Variants in COL4A5 observed in about 807,000 individuals in gnomAD.
The protein encoded by COL4A5 is collagen type IV alpha 5 chain, also known as collagen alpha-5(IV) chain.
Under a neutral mutation model 130.2 loss-of-function variants are expected in COL4A5, and 26 were observed. That is an observed-to-expected ratio of 0.20 (90% CI 0.15 to 0.28). COL4A5 has a LOEUF of 0.28. Ranked by LOEUF, COL4A5 falls within the 10% of genes least tolerant of loss-of-function variation. The pLI is 1.00. For synonymous variants in COL4A5, 496 were observed against 439.6 expected, an observed-to-expected ratio of 1.13 and a Z score of -1.60; for missense variants, 1,131 against 1,344.3, an observed-to-expected ratio of 0.84 and a Z score of 2.48.
At chrX:108,509,452 A>T (rs1209166131) in intron 1 of COL4A5, among the ~76,000 whole-genome samples, 1 of 112,340 alleles carries the variant, frequency 8.9e-6, no homozygotes, top group Non-Finnish European at 1.9e-5. Context: ...TTAAAAAACA[A>T]ATTTACAAGA....
chrX:108,552,288 T>C (rs971968030), intron 2 of COL4A5, among the ~76,000 whole-genome samples: 12 of 112,426 alleles, frequency 1.1e-4, no homozygotes, highest in African/African-American at 3.5e-4. Context: ...GCATAATTCC[T>C]TTGAGAAGCA....
Position 108,668,406 on chromosome X carries a change from C to G in COL4A5, c.3692C>G (p.Pro1231Arg), listed in dbSNP as rs1044043486. Residue 1231 changes from proline to arginine, a missense_variant, in exon 41 of 53, where the codon CCT (proline) becomes CGT (arginine). Physicochemically the swap from Pro to Arg is moderately radical, Grantham distance 103. Transcript: ENST00000328300. Reference sequence around the variant, plus strand: ...GGCGAACCAGGCTTTCACGGTTTCCCTGGTGTGCAGGGTCCCCCAGGCCCT... The same window carrying G: ...GGCGAACCAGGCTTTCACGGTTTCCGTGGTGTGCAGGGTCCCCCAGGCCCT... ...PKGEPGFHGF[P>R]GVQGPPGPPG... 2.5e-6 allele frequency: 3 copies of G among 1,211,098 alleles called. No individual in the cohort carries two copies. The highest frequency in any genetic ancestry group is 3.4e-6 in the Non-Finnish European group (3 of 895,253).
At chrX:108,521,431 C>T (rs1435821856) in intron 1 of COL4A5, among the ~76,000 whole-genome samples, 1 of 110,471 alleles carries the variant, frequency 9.1e-6, no homozygotes, top group Non-Finnish European at 1.9e-5. Context: ...GTTTGTCTAC[C>T]TTCTAGTACA....
intron 2 of COL4A5, among the ~76,000 whole-genome samples, chrX:108,544,174 T>C (rs1055166404): frequency 9.8e-5 from 11 of 111,915 alleles, no homozygotes; most frequent in Non-Finnish European, 1.9e-4. Context: ...AGAGGGCATC[T>C]CTGTCTTGTG....
intron 49 of COL4A5, among the ~76,000 whole-genome samples, chrX:108,689,136 G>T (rs910814940): frequency 1.8e-5 from 2 of 108,645 alleles, no homozygotes; most frequent in African/African-American, 6.7e-5. Flanking sequence ...TTTTCACTTG[G>T]TTACATCTTT....
chrX:108,451,844 G>C (rs1218477294), intron 1 of COL4A5, among the ~76,000 whole-genome samples: 1 of 111,527 alleles, frequency 9.0e-6, no homozygotes, highest in Non-Finnish European at 1.9e-5. Context: ...AAACTCTTTA[G>C]TTTAATTAGA....
Position 108,695,445 on chromosome X carries a change from G to A in COL4A5, c.4994+6G>A. ...GATGTGTCAGACATGTTCAGGTAAAGTGCTTATAGCTTTAATTCAGGTCCA... is the reference window on the plus strand; with the variant it reads ...GATGTGTCAGACATGTTCAGGTAAAATGCTTATAGCTTTAATTCAGGTCCA... On this transcript the variant is annotated splice_donor_region_variant and intron_variant, in intron 52 of 52. Coordinates refer to ENST00000328300, the MANE Select transcript of COL4A5 (RefSeq NM_033380.3). The A allele has an allele frequency of 8.3e-7, 1 of 1,210,008 alleles. No homozygotes were observed. Among genetic ancestry groups the A allele is most frequent in the Non-Finnish European group, 1.1e-6 (1 of 893,964 alleles).
intron 1 of COL4A5, among the ~76,000 whole-genome samples, chrX:108,454,689 G>T (rs1204261477): frequency 8.9e-6 from 1 of 111,846 alleles, no homozygotes; most frequent in South Asian, 3.8e-4. Flanking sequence ...ATGCTGCTCT[G>T]TCTGCCAACA....
chrX:108,604,273 T>C (rs1288023404), intron 28 of COL4A5, among the ~76,000 whole-genome samples: 1 of 112,375 alleles, frequency 8.9e-6, no homozygotes, highest in Non-Finnish European at 1.9e-5. Flanking sequence ...GTTTCTTAAA[T>C]AATAAGACTT....
chrX:108,606,171 T>G (rs2147830818), intron 28 of COL4A5, among the ~76,000 whole-genome samples: 1 of 112,200 alleles, frequency 8.9e-6, no homozygotes, highest in South Asian at 3.7e-4. Context: ...ATGAACATTT[T>G]CAAATGAAAA....
At chrX:108,515,880 G>A (rs1303923165) in intron 1 of COL4A5, among the ~76,000 whole-genome samples, 1 of 109,590 alleles carries the variant, frequency 9.1e-6, no homozygotes, top group South Asian at 3.8e-4. Flanking sequence ...TTTTTTTTCT[G>A]TTGGTTACAA....
intron 36 of COL4A5, among the ~76,000 whole-genome samples, chrX:108,637,287 G>C (rs2067373153): frequency 9.0e-6 from 1 of 110,887 alleles, no homozygotes; most frequent in South Asian, 3.8e-4. Flanking sequence ...AAACGTACAG[G>C]ATGTAGTGAA....
chrX:108,499,075 G>A (rs1270108651), intron 1 of COL4A5, among the ~76,000 whole-genome samples: 1 of 111,196 alleles, frequency 9.0e-6, no homozygotes, highest in Non-Finnish European at 1.9e-5. Context: ...TGTTTCCCAA[G>A]CATAAGGAGG....
At position 108,644,832 on chromosome X, in the gene COL4A5, G is replaced by A. The variant is rs181556505; in HGVS notation, c.3247-10499G>A. Among the ~76,000 whole-genome samples the A allele has an allele frequency of 1.5e-4, 16 of 106,781 alleles. No individual in the cohort carries two copies. The East Asian group carries it at 3.5e-3, about 24-fold the overall frequency. 92.7% of individuals were successfully genotyped at this position (106,781 alleles called of 115,157 possible). ...GGAGAATCACTTGAACCCGGGAGGC[G>A]GAGGTTGCAGTGAGCCGAGATTATG... is the stretch of plus-strand genomic sequence containing the variant. On this transcript the variant is annotated intron_variant, in intron 36 of 52. Coordinates refer to ENST00000328300, the MANE Select transcript of COL4A5 (RefSeq NM_033380.3).
In COL4A5 at chrX:108,568,739, T is replaced by C; in HGVS notation, c.322-20T>C. 8.3e-7 allele frequency: 1 copy of C among 1,208,357 alleles called. No individual in the cohort carries two copies. Among genetic ancestry groups the C allele is most frequent in the Non-Finnish European group, 1.1e-6 (1 of 892,719 alleles). On this transcript the variant is annotated intron_variant, in intron 5 of 52. Transcript: ENST00000328300. ...AGTAATCTAAGACATATTATACATG[T>C]GTTATGTCGCTTTTCAAAGGGAATG...
At chrX:108,599,903 A>G (rs1231682019) in intron 25 of COL4A5, among the ~76,000 whole-genome samples, 1 of 112,250 alleles carries the variant, frequency 8.9e-6, no homozygotes, top group Admixed American at 9.4e-5. Context: ...TTCAAAGCAT[A>G]GGATAAGTGC....
intron 42 of COL4A5, chrX:108,670,573 T>C: frequency 3.0e-6 from 1 of 333,453 alleles, no homozygotes; most frequent in South Asian, 3.5e-5. Context: ...TATCTGTTAA[T>C]GCAAACGAAT....
intron 16 of COL4A5, among the ~76,000 whole-genome samples, chrX:108,581,869 A>G (rs982094399): frequency 9.1e-6 from 1 of 110,394 alleles, no homozygotes; most frequent in African/African-American, 3.3e-5. Flanking sequence ...ATATTCCCAT[A>G]CAGTTTTTTT....
At chrX:108,465,720 G>A (rs558106847) in intron 1 of COL4A5, among the ~76,000 whole-genome samples, 51 of 111,369 alleles carry the variant, frequency 4.6e-4, no homozygotes, top group Middle Eastern at 4.7e-3. Flanking sequence ...TAGATATTTG[G>A]TGCTTTTAAC....
Sources: allele counts gnomAD v4.1 joint callset (sites outside exome capture counted in the v4.1 genomes callset), GRCh38; gene constraint gnomAD v4.1.1; transcripts MANE v1.5; gene names NCBI Gene and HGNC (gene_info 2026-07-23, HGNC 2026-07-21).